The following NGDN variants were observed in gnomAD, a reference collection of about 807,000 sequenced individuals.
The protein encoded by NGDN is EIF4E-binding protein.
In NGDN, 41 loss-of-function variants were observed where a neutral mutation model predicts 45.2. That is an observed-to-expected ratio of 0.91 (90% CI 0.71 to 1.18). The LOEUF is 1.18. NGDN is among the 50% of genes most tolerant of loss of function. The pLI is 0.00. For missense variants in NGDN, 402 were observed against 399.9 expected (o/e 1.01, Z -0.05); for synonymous variants, 137 against 130.9 (o/e 1.05, Z -0.32).
intron 2 of NGDN, 148 bp from the exon 3 acceptor site, chr14:23,470,758 A>G (rs919605974): frequency 2.1e-5 from 11 of 514,716 alleles, no homozygotes; most frequent in African/African-American, 1.2e-4. Context: ...CATCTCTCCT[A>G]TGCTTTCCGA....
rs747388308 is a variant in NGDN, at chr14:23,476,383, G to T, written c.689G>T (p.Arg230Leu). Residue 230 changes from arginine (R) to leucine (L), a missense_variant, in exon 8 of 11, where the codon CGC becomes CTC. Arg to Leu is a moderately radical substitution (Grantham distance 102). Coordinates refer to ENST00000408901, the MANE Select transcript of NGDN (RefSeq NM_001042635.2). ...IRDARHPHVT[R>L]QSQEDQHRIN... ...GATGCTCGGCATCCCCATGTTACCC[G>T]CCAGAGTCAGGAGGACCAACACAGG... is the stretch of plus-strand genomic sequence containing the variant. 1.9e-5 allele frequency: 30 copies of T among 1,611,836 alleles called. No individual in the cohort carries two copies. Among genetic ancestry groups the T allele is most frequent in the Non-Finnish European group, 2.5e-5 (29 of 1,179,848 alleles).
chr14:23,470,935 A>G lies in NGDN; in HGVS notation c.102A>G (p.Ser34=). The change falls in exon 3 of 11, where the codon TCA becomes TCG. Residue 34 remains serine, a synonymous_variant. Coordinates refer to ENST00000408901, the MANE Select transcript of NGDN (RefSeq NM_001042635.2). ...TGGCTGTAACTGCACAAGTGAAATC[A>G]CTGACACAAAAAGTTCAAGCTGGTG... is the stretch of plus-strand genomic sequence containing the variant. The part of the protein sequence containing the change: ...QVMAVTAQVK[S]LTQKVQAGAY... The G allele has an allele frequency of 5.1e-6, 8 of 1,560,514 alleles. No homozygotes were observed. The highest frequency in any genetic ancestry group is 1.4e-5 in the African/African-American group (1 of 71,632).
Position 23,470,991 on chromosome 14 carries a change from A to G in NGDN, c.144+14A>G. On this transcript the variant is annotated intron_variant, in intron 3 of 10. Transcript: ENST00000408901. ...CCTACAGAAAAGGTAAGATGTACTC[A>G]AACAGTAAGCATCCCCTGACTTAAT... 1 of 1,500,986 alleles carries G rather than the reference A, an allele frequency of 6.7e-7. No homozygotes were observed. The highest frequency in any genetic ancestry group is 2.5e-5 in the Admixed American group (1 of 40,368). 93.0% of individuals were successfully genotyped at this position (1,500,986 alleles called of 1,614,324 possible). A position where few individuals can be genotyped will look rare whatever the true frequency, so the allele number is the denominator to read the frequency against.
At chr14:23,477,766 C>G in intron 10 of NGDN, 1 of 1,456,050 alleles carries the variant, frequency 6.9e-7, no homozygotes, top group Non-Finnish European at 9.0e-7. Flanking sequence ...GATTCTGCCT[C>G]TAAGGTCCCA....
intron 1 of NGDN, 77 bp from the exon 2 acceptor site, chr14:23,469,965 C>T (rs890963744): frequency 2.0e-6 from 3 of 1,492,974 alleles, no homozygotes; most frequent in South Asian, 2.3e-5. Flanking sequence ...AGGGCAGTTT[C>T]CCACCCTAGA....
chr14:23,472,658 A>G (rs1351794569), intron 3 of NGDN, among the ~76,000 whole-genome samples: 1 of 152,170 alleles, frequency 6.6e-6, no homozygotes, highest in Non-Finnish European at 1.5e-5. Flanking sequence ...GTTTTTATAT[A>G]TTGAGCTTTT....
intron 4 of NGDN, 103 bp from the exon 5 acceptor site, chr14:23,475,455 T>G: frequency 1.4e-6 from 2 of 1,380,288 alleles, no homozygotes; most frequent in Non-Finnish European, 2.0e-6. Flanking sequence ...TGCTCTACTT[T>G]GTACATATTT....
intron 1 of NGDN, 73 bp downstream of exon 1, chr14:23,469,800 A>T: frequency 6.3e-7 from 1 of 1,582,408 alleles, no homozygotes; most frequent in Non-Finnish European, 8.7e-7. Context: ...CTGGAGGCAA[A>T]CTGTTGGTAC....
chr14:23,470,767 G>T (rs1053587415), intron 2 of NGDN, 139 bp from the exon 3 acceptor site: 1 of 530,172 alleles, frequency 1.9e-6, no homozygotes, highest in South Asian at 3.9e-5. Flanking sequence ...TATGCTTTCC[G>T]AGAAGTGAGA....
downstream of NGDN, chr14:23,478,364 G>A (rs1217758837): frequency 3.7e-6 from 1 of 273,882 alleles, no homozygotes; most frequent in Non-Finnish European, 6.9e-6. Flanking sequence ...GACGAGGCTG[G>A]TATAATCAAC....
chr14:23,470,912 G>T lies in NGDN; in HGVS notation c.79G>T (p.Ala27Ser). The part of the protein sequence containing the change: ...LLKNLQEQVM[A>S]VTAQVKSLTQ... ...TTATTTGGGCTAATTTCAGGTGATG[G>T]CTGTAACTGCACAAGTGAAATCACT... The change falls in exon 3 of 11, where the codon GCT becomes TCT. Residue 27 changes from alanine to serine, a missense_variant. Physicochemically the swap from Ala to Ser is moderately conservative, Grantham distance 99 (BLOSUM62 1). Transcript: ENST00000408901. The T allele has an allele frequency of 1.3e-6, 2 of 1,569,788 alleles. No homozygotes were observed. The highest frequency in any genetic ancestry group is 2.0e-5 in the Admixed American group (1 of 49,410).
At chr14:23,474,655 A>G (rs911446298) in intron 3 of NGDN, among the ~76,000 whole-genome samples, 4 of 152,248 alleles carry the variant, frequency 2.6e-5, no homozygotes, top group African/African-American at 7.2e-5. Flanking sequence ...ATTCGATGTC[A>G]TTATATATAA....
At chr14:23,477,119 T>C (rs940296428) in intron 8 of NGDN, 81 bp from the exon 9 acceptor site, 1 of 1,344,080 alleles carries the variant, frequency 7.4e-7, no homozygotes, top group African/African-American at 1.4e-5. Flanking sequence ...AAGAGATGAG[T>C]AGATACTTGG....
chr14:23,471,697 G>A (rs978589553), intron 3 of NGDN: 3 of 152,056 alleles, frequency 2.0e-5, no homozygotes, highest in Non-Finnish European at 4.4e-5. Context: ...TGTAGTCCTA[G>A]CCACTCAGGA....
At position 23,476,392 on chromosome 14, in the gene NGDN, A is replaced by G. The variant is rs748203395; in HGVS notation, c.698A>G (p.Gln233Arg). The change falls in exon 8 of 11, where the codon CAG (glutamine) becomes CGG (arginine). Residue 233 changes from glutamine (Q) to arginine (R), a missense_variant. Gln to Arg is a conservative substitution (Grantham distance 43). Transcript: ENST00000408901. ...ARHPHVTRQS[Q>R]EDQHRINYEE... ...CATCCCCATGTTACCCGCCAGAGTC[A>G]GGAGGACCAACACAGGTCTGAGCCC... 5.0e-6 allele frequency: 8 copies of G among 1,611,680 alleles called. No individual in the cohort carries two copies. The highest frequency in any genetic ancestry group is 2.7e-5 in the African/African-American group (2 of 74,876).
intron 2 of NGDN, among the ~76,000 whole-genome samples, chr14:23,470,687 A>G (rs1031765190): frequency 6.6e-6 from 1 of 151,688 alleles, no homozygotes; most frequent in Non-Finnish European, 1.5e-5. Context: ...GTGGTTCAGT[A>G]AAAGATGGTC....
At position 23,469,851 on chromosome 14, in the gene NGDN, C is replaced by G. The variant is rs371899688; in HGVS notation, c.12+124C>G. ...ATGAAAGTTGCTTCAGGGAGGCGGC[C>G]TCCCTAGAGTTACCGTTCCTGTCCG... On this transcript the variant is annotated intron_variant, in intron 1 of 10. Transcript: ENST00000408901. 22 of 1,373,956 alleles carry G rather than the reference C, an allele frequency of 1.6e-5. No individual in the cohort carries two copies. The East Asian group carries it at 3.2e-4, about 20-fold the overall frequency. 85.1% of individuals were successfully genotyped at this position (1,373,956 alleles called of 1,614,324 possible).
intron 8 of NGDN, among the ~76,000 whole-genome samples, chr14:23,476,844 C>T (rs773927924): frequency 3.3e-5 from 5 of 152,176 alleles, no homozygotes; most frequent in Non-Finnish European, 7.3e-5. Flanking sequence ...ACAGACTCGT[C>T]AACTTTGCTC....
At chr14:23,473,305 A>C (rs1893826813) in intron 3 of NGDN, among the ~76,000 whole-genome samples, 1 of 152,166 alleles carries the variant, frequency 6.6e-6, no homozygotes, top group Non-Finnish European at 1.5e-5. Flanking sequence ...GGCCTTGGGT[A>C]CCATGCCTTG....
Sources: gnomAD v4.1 joint callset for allele counts (sites outside exome capture counted in the v4.1 genomes callset) on GRCh38, gnomAD v4.1.1 for gene constraint, MANE v1.5 for transcripts, NCBI Gene and HGNC (gene_info 2026-07-23, HGNC 2026-07-21) for gene names.